Variants in LRP1B observed in about 807,000 individuals in gnomAD.
The protein encoded by LRP1B is low-density lipoprotein receptor-related protein 1B.
A neutral mutation model predicts 556.6 loss-of-function variants in LRP1B; 217 were observed. That is an observed-to-expected ratio of 0.39 (90% confidence interval 0.35 to 0.44). LRP1B has a LOEUF of 0.44. LRP1B is among the 20% of genes least tolerant of loss of function. The probability of loss-of-function intolerance (pLI) is 1.00; values close to 1 mark genes in which losing one functional copy is unlikely to be tolerated. For missense variants in LRP1B, 5,053 were observed against 5,620.8 expected (o/e 0.90, Z 3.23); for synonymous variants, 2,047 against 1,865.8 (o/e 1.10, Z -2.50).
Position 140,551,188 on chromosome 2 carries a change from C to T in LRP1B, c.7195-9217G>A, listed in dbSNP as rs150861815. Among the ~76,000 whole-genome samples, 281 of 152,260 alleles carry T rather than the reference C, an allele frequency of 1.8e-3. 1 individual carries two copies. The highest frequency in any genetic ancestry group is 6.5e-3 in the African/African-American group (269 of 41,548). ...ATAGCAGCCTGAGCTAAAAGCCACA[C>T]TTTGAGATTTACAGCTGCTTTAAAT... is the stretch of plus-strand genomic sequence containing the variant. On this transcript the variant is annotated intron_variant, in intron 43 of 90. Transcript: ENST00000389484.
rs184272151 is a variant in LRP1B, at chr2:141,483,678, C to T, written c.206-3145G>A. 1.4e-4 allele frequency among the ~76,000 whole-genome samples: 21 copies of T among 152,092 alleles called. No homozygotes were observed. The East Asian group carries it at 4.1e-3, about 29-fold the overall frequency. On this transcript the variant is annotated intron_variant, in intron 2 of 90. Transcript: ENST00000389484. ...TTCTAACTGGTGTGAGATGGTATCTCATTGTGGTTCTGATTTGCATTTCTC... is the reference window on the plus strand; with the variant it reads ...TTCTAACTGGTGTGAGATGGTATCTTATTGTGGTTCTGATTTGCATTTCTC...
intron 32 of LRP1B, among the ~76,000 whole-genome samples, chr2:140,799,076 G>C (rs756772668): frequency 6.6e-6 from 1 of 151,872 alleles, no homozygotes; most frequent in Non-Finnish European, 1.5e-5. Flanking sequence ...TTAAATAAAC[G>C]CATATATATG....
At chr2:141,924,880 T>C (rs1185205079) in intron 1 of LRP1B, among the ~76,000 whole-genome samples, 1 of 152,202 alleles carries the variant, frequency 6.6e-6, no homozygotes, top group Non-Finnish European at 1.5e-5. Context: ...GGCAAATCAA[T>C]AAATGACTTT....
At chr2:141,349,765 G>A (rs1242186362) in intron 3 of LRP1B, among the ~76,000 whole-genome samples, 2 of 152,040 alleles carry the variant, frequency 1.3e-5, no homozygotes, top group East Asian at 1.9e-4. Context: ...GGCTGTGGAG[G>A]AAGGAGTTAA....
intron 3 of LRP1B, among the ~76,000 whole-genome samples, chr2:141,401,475 C>T (rs1338753140): frequency 1.3e-5 from 2 of 152,086 alleles, no homozygotes; most frequent in African/African-American, 4.8e-5. Context: ...TATCACCAGA[C>T]CTGATCATCT....
intron 2 of LRP1B, among the ~76,000 whole-genome samples, chr2:141,747,738 T>A (rs1693965985): frequency 6.6e-6 from 1 of 152,220 alleles, no homozygotes; most frequent in African/African-American, 2.4e-5. Context: ...AATGATTTAT[T>A]TCTTCATTTG....
At chr2:141,704,153 T>C (rs1416692325) in intron 2 of LRP1B, among the ~76,000 whole-genome samples, 1 of 151,966 alleles carries the variant, frequency 6.6e-6, no homozygotes, top group Non-Finnish European at 1.5e-5. Context: ...ATAATGTTCT[T>C]GGTGAATGAC....
chr2:140,640,383 CTTTT>C (rs70988414), intron 41 of LRP1B, among the ~76,000 whole-genome samples: 3 of 48,464 alleles, frequency 6.2e-5, no homozygotes, highest in Admixed American at 4.1e-4. Flanking sequence ...GTCCTGTTTT[CTTTT>C]TTTTTTTTTT....
chr2:140,427,814 G>A (rs950005124), intron 66 of LRP1B, among the ~76,000 whole-genome samples: 4 of 150,980 alleles, frequency 2.6e-5, no homozygotes, highest in Admixed American at 2.0e-4. Flanking sequence ...TCGCCAGGCC[G>A]AGCTAGGTCC....
At chr2:141,402,634 C>T (rs1242468396) in intron 3 of LRP1B, among the ~76,000 whole-genome samples, 1 of 151,986 alleles carries the variant, frequency 6.6e-6, no homozygotes, top group African/African-American at 2.4e-5. Flanking sequence ...TTATTTCCTG[C>T]ACACTGGTGA....
At chr2:141,051,907 AT>A (rs1004300216) in intron 10 of LRP1B, among the ~76,000 whole-genome samples, 6 of 151,936 alleles carry the variant, frequency 3.9e-5, no homozygotes, top group African/African-American at 1.4e-4. Flanking sequence ...GTATGTAGGT[AT>A]TTTTTCAATG....
At chr2:141,095,413 A>G (rs559804807) in intron 7 of LRP1B, among the ~76,000 whole-genome samples, 1 of 150,544 alleles carries the variant, frequency 6.6e-6, no homozygotes, top group East Asian at 1.9e-4. Flanking sequence ...ATCGTAATGA[A>G]GTTTATAATG....
intron 6 of LRP1B, among the ~76,000 whole-genome samples, chr2:141,219,252 T>G (rs1682938274): frequency 6.6e-6 from 1 of 152,220 alleles, no homozygotes; most frequent in South Asian, 2.1e-4. Context: ...ATCAGCCATT[T>G]TCCACTGCTG....
intron 18 of LRP1B, among the ~76,000 whole-genome samples, chr2:140,967,812 T>C (rs1226158707): frequency 1.3e-5 from 2 of 152,094 alleles, no homozygotes; most frequent in Admixed American, 1.3e-4. Context: ...TGTTTTTTTG[T>C]CTTTGGTTCT....
chr2:141,582,671 AT>A (rs1211747897), intron 2 of LRP1B, among the ~76,000 whole-genome samples: 1 of 151,574 alleles, frequency 6.6e-6, no homozygotes, highest in African/African-American at 2.4e-5. Context: ...AATATACCAT[AT>A]GTGTTACAGT....
At chr2:141,639,569 G>A (rs565286633) in intron 2 of LRP1B, among the ~76,000 whole-genome samples, 23 of 150,702 alleles carry the variant, frequency 1.5e-4, no homozygotes, top group African/African-American at 5.1e-4. Flanking sequence ...ATATCAGAAT[G>A]CTATTGAACA....
At position 141,013,595 on chromosome 2, in the gene LRP1B, G is replaced by C. The variant is rs770528436; in HGVS notation, c.2341C>G (p.Leu781Val). 4.3e-6 allele frequency: 7 copies of C among 1,610,980 alleles called. No homozygotes were observed. The South Asian group carries it at 6.6e-5, about 15-fold the overall frequency. ...GGATCATAAATCTGAAGCCCAAATA[G>C]GGGTGGTCTTTCATGCCTCAGCAAT... is the stretch of plus-strand genomic sequence containing the variant. ...VTLLRHERPP[L>V]FGLQIYDPRK... The change falls in exon 14 of 91, where the codon CTA (leucine) becomes GTA (valine). Residue 781 changes from leucine to valine, a missense_variant. By Grantham distance (32) the Leu-to-Val change is conservative. Transcript: ENST00000389484.
At position 140,760,607 on chromosome 2, in the gene LRP1B, T is replaced by A. The variant is rs540421730; in HGVS notation, c.5758+8606A>T. ...GTTGCTGTGAAACACCCATCCTGGCTGGGCGCAGTGGCTCACGCCTGTAAT... is the reference window on the plus strand; with the variant it reads ...GTTGCTGTGAAACACCCATCCTGGCAGGGCGCAGTGGCTCACGCCTGTAAT... On this transcript the variant is annotated intron_variant, in intron 35 of 90. Transcript: ENST00000389484. Among the ~76,000 whole-genome samples the A allele has an allele frequency of 3.9e-5, 6 of 152,234 alleles. No individual in the cohort carries two copies. In the South Asian group the frequency reaches 1.2e-3, roughly 32 times the overall value.
intron 59 of LRP1B, among the ~76,000 whole-genome samples, chr2:140,477,683 A>T (rs563632230): frequency 1.1e-4 from 16 of 152,284 alleles, no homozygotes; most frequent in African/African-American, 3.9e-4. Flanking sequence ...TGTATTTTGA[A>T]ATTTTTCATC....
Sources: allele counts gnomAD v4.1 joint callset (sites outside exome capture counted in the v4.1 genomes callset), GRCh38; gene constraint gnomAD v4.1.1; transcripts MANE v1.5; gene names NCBI Gene and HGNC (gene_info 2026-07-23, HGNC 2026-07-21).